Variants in MACROD2 observed in about 807,000 individuals in gnomAD.
MACROD2 encodes the protein mono-ADP ribosylhydrolase 2.
MACROD2 carries 36 observed loss-of-function variants against 70.4 expected under a neutral mutation model. That is an observed-to-expected ratio of 0.51 (90% CI 0.39 to 0.68). The LOEUF (loss-of-function observed/expected upper bound fraction) is 0.68, where lower values mean the gene tolerates loss of function less well. Ranked by LOEUF, MACROD2 falls within the 30% of genes least tolerant of loss-of-function variation. The pLI, the probability that MACROD2 is intolerant of heterozygous loss-of-function variation, is 0.00. For missense variants in MACROD2, 496 were observed against 538.4 expected (o/e 0.92, Z 0.78); for synonymous variants, 172 against 178.8 (o/e 0.96, Z 0.30).
chr20:15,153,580 G>C (rs199294), intron 5 of MACROD2, among the ~76,000 whole-genome samples: 89,655 of 152,008 alleles, frequency 0.59, 26,571 homozygotes, highest in East Asian at 0.65. Flanking sequence ...AATTGTCATA[G>C]AACAATAAGA....
Position 13,995,638 on chromosome 20 carries a change from G to A in MACROD2, c.-126G>A. The A allele has an allele frequency of 1.2e-6, 1 of 860,574 alleles. No homozygotes were observed. Among genetic ancestry groups the A allele is most frequent in the South Asian group, 1.4e-5 (1 of 70,826 alleles). 53.3% of individuals were successfully genotyped at this position (860,574 alleles called of 1,614,324 possible). ...GAGCGGCGAGCGGCGAGCAGCGCAGGACGCAGAGCCTCTTTCACTTTTTCC... is the reference window on the plus strand; with the variant it reads ...GAGCGGCGAGCGGCGAGCAGCGCAGAACGCAGAGCCTCTTTCACTTTTTCC... On this transcript the variant is annotated 5_prime_UTR_variant, in exon 1 of 18. Transcript: ENST00000684519. The surrounding 1 kb of genome is among the most constrained non-coding windows in gnomAD (Gnocchi z 4.3).
intron 10 of MACROD2, among the ~76,000 whole-genome samples, chr20:15,915,823 G>A (rs2065306157): frequency 6.6e-6 from 1 of 152,102 alleles, no homozygotes; most frequent in African/African-American, 2.4e-5. Flanking sequence ...CAGAGAGAAA[G>A]GGAGAAGGGA....
intron 8 of MACROD2, among the ~76,000 whole-genome samples, chr20:15,813,928 T>G (rs573820863): frequency 6.6e-6 from 1 of 152,356 alleles, no homozygotes; most frequent in East Asian, 1.9e-4. Context: ...ATTAAAAGTT[T>G]TTGTTTTTCC....
chr20:15,869,007 G>A (rs2064534552), intron 9 of MACROD2, among the ~76,000 whole-genome samples: 1 of 151,394 alleles, frequency 6.6e-6, no homozygotes, highest in African/African-American at 2.4e-5. Context: ...GCCCAGGTTT[G>A]TCTTGAACTC....
At chr20:15,128,288 C>T (rs1480444880) in intron 5 of MACROD2, among the ~76,000 whole-genome samples, 3 of 152,018 alleles carry the variant, frequency 2.0e-5, no homozygotes, top group African/African-American at 7.2e-5. Context: ...CATATGATGG[C>T]TGGTATTTTC....
intron 3 of MACROD2, among the ~76,000 whole-genome samples, chr20:14,479,265 T>C (rs1015060887): frequency 2.0e-5 from 3 of 152,068 alleles, no homozygotes; most frequent in Non-Finnish European, 2.9e-5. Flanking sequence ...GAAAGTCAGG[T>C]CCGTAGATCA....
chr20:15,252,066 A>G (rs1211535926), intron 6 of MACROD2, among the ~76,000 whole-genome samples: 5 of 152,212 alleles, frequency 3.3e-5, no homozygotes, highest in East Asian at 1.9e-4. Flanking sequence ...GATATTTGGT[A>G]TTATGCAGAT....
At chr20:15,581,952 T>C (rs1475849048) in intron 8 of MACROD2, among the ~76,000 whole-genome samples, 2 of 152,028 alleles carry the variant, frequency 1.3e-5, no homozygotes, top group Non-Finnish European at 2.9e-5. Context: ...GGAAACCCCG[T>C]CTCTACTAAA....
At chr20:14,263,639 G>A (rs1178884686) in intron 3 of MACROD2, among the ~76,000 whole-genome samples, 3 of 152,084 alleles carry the variant, frequency 2.0e-5, no homozygotes, top group Non-Finnish European at 4.4e-5. Flanking sequence ...AATAGGGTTG[G>A]AAGTGTGTGA....
chr20:14,323,473 T>G (rs1229568098), intron 3 of MACROD2: 1 of 152,136 alleles, frequency 6.6e-6, no homozygotes, highest in Non-Finnish European at 1.5e-5. Flanking sequence ...TGACCTTTTG[T>G]TTTTTTATGG....
intron 4 of MACROD2, among the ~76,000 whole-genome samples, chr20:14,605,357 C>T (rs1441251046): frequency 6.6e-6 from 1 of 151,286 alleles, no homozygotes; most frequent in Non-Finnish European, 1.5e-5. Context: ...TCTCCCTATA[C>T]TGTAACATAG....
intron 5 of MACROD2, among the ~76,000 whole-genome samples, chr20:15,106,797 T>C (rs938998925): frequency 6.6e-6 from 1 of 152,066 alleles, no homozygotes; most frequent in African/African-American, 2.4e-5. Flanking sequence ...TGCACAAATA[T>C]ATCTCTTGAA....
In MACROD2 at chr20:15,917,988, C is replaced by G. The variant is rs146006809; in HGVS notation, c.776-15288C>G. Among the ~76,000 whole-genome samples, 3 of 152,252 alleles carry G rather than the reference C, an allele frequency of 2.0e-5. No homozygotes were observed. The East Asian group carries it at 5.8e-4, about 29-fold the overall frequency. On this transcript the variant is annotated intron_variant, in intron 10 of 17. Transcript: ENST00000684519. ...CTGTAGTACTGCAAAATTGCTGACT[C>G]GAGGTCCTACATGAAAACTGTGCAG...
intron 8 of MACROD2, among the ~76,000 whole-genome samples, chr20:15,580,536 GTCT>G (rs936514524): frequency 6.6e-6 from 1 of 152,102 alleles, no homozygotes; most frequent in Non-Finnish European, 1.5e-5. Context: ...AAACCCATAA[GTCT>G]TCTTTATAAG....
chr20:15,101,641 C>T (rs1402212514), intron 5 of MACROD2, among the ~76,000 whole-genome samples: 1 of 150,802 alleles, frequency 6.6e-6, no homozygotes, highest in Non-Finnish European at 1.5e-5. Context: ...ACAGCATCAG[C>T]AGGAAATCCC....
At chr20:15,475,145 A>G (rs2047006092) in intron 7 of MACROD2, among the ~76,000 whole-genome samples, 1 of 152,210 alleles carries the variant, frequency 6.6e-6, no homozygotes, top group Non-Finnish European at 1.5e-5. Flanking sequence ...TTAAATGTTT[A>G]AGAGGATGTG....
intron 7 of MACROD2, among the ~76,000 whole-genome samples, chr20:15,484,994 T>C (rs12480798): frequency 9.9e-5 from 15 of 152,144 alleles, no homozygotes; most frequent in Admixed American, 9.8e-4. Context: ...CTAAAGAAAG[T>C]TGTTGCTTTC....
At chr20:14,866,883 G>T (rs1446415743) in intron 5 of MACROD2, among the ~76,000 whole-genome samples, 1 of 152,110 alleles carries the variant, frequency 6.6e-6, no homozygotes, top group Non-Finnish European at 1.5e-5. Context: ...ATGCAACCTT[G>T]TCAAGAAGAA....
chr20:15,134,007 C>T (rs572950978), intron 5 of MACROD2, among the ~76,000 whole-genome samples: 82 of 147,936 alleles, frequency 5.5e-4, no homozygotes, highest in African/African-American at 1.8e-3. Flanking sequence ...TCCCGGGTCA[C>T]GCCATTCTCC....
Sources: allele counts gnomAD v4.1 joint callset (sites outside exome capture counted in the v4.1 genomes callset), GRCh38; gene constraint gnomAD v4.1.1; non-coding constraint Gnocchi (gnomAD v3.1); transcripts MANE v1.5; gene names NCBI Gene and HGNC (gene_info 2026-07-23, HGNC 2026-07-21).